PHACTR4: variants seen among roughly 807,000 people sequenced by gnomAD.
The protein encoded by PHACTR4 is protein phosphatase 1, regulatory subunit 124.
Under a neutral mutation model 72.7 loss-of-function variants are expected in PHACTR4, and 51 were observed. The observed-to-expected ratio is 0.70, with a 90% confidence interval of 0.56 to 0.89. PHACTR4 has a LOEUF of 0.89. Ranked by LOEUF, PHACTR4 falls within the 40% of genes least tolerant of loss-of-function variation. The pLI is 0.00. For missense variants in PHACTR4, 731 were observed against 861.8 expected (o/e 0.85, Z 1.90); for synonymous variants, 255 against 302.5 (o/e 0.84, Z 1.63).
At chr1:28,393,233 A>G (rs991042324) in intron 1 of PHACTR4, among the ~76,000 whole-genome samples, 3 of 152,216 alleles carry the variant, frequency 2.0e-5, no homozygotes, top group Admixed American at 2.0e-4. Flanking sequence ...AATCTTTTAC[A>G]TACTTTACCT....
At chr1:28,421,257 C>T (rs1655489167) in intron 2 of PHACTR4, among the ~76,000 whole-genome samples, 1 of 152,088 alleles carries the variant, frequency 6.6e-6, no homozygotes, top group African/African-American at 2.4e-5. Context: ...GGCATGTGCA[C>T]ATATATACAC....
intron 9 of PHACTR4, among the ~76,000 whole-genome samples, chr1:28,487,727 G>GTTTTTTTTTTTTTTT (rs780028378): frequency 1.3e-4 from 8 of 63,310 alleles, no homozygotes; most frequent in African/African-American, 3.3e-4. Context: ...GTTTTTTGTT[G>GTTTTTTTTTTTTTTT]TTTTTTTTTT....
intron 9 of PHACTR4, among the ~76,000 whole-genome samples, chr1:28,487,732 T>G (rs1416103620): frequency 1.1e-3 from 144 of 127,402 alleles, no homozygotes; most frequent in South Asian, 5.8e-3. Flanking sequence ...TTGTTGTTTT[T>G]TTTTTTTTTT....
chr1:28,396,992 C>T (rs922190222), intron 1 of PHACTR4, among the ~76,000 whole-genome samples: 3 of 151,644 alleles, frequency 2.0e-5, no homozygotes, highest in East Asian at 1.9e-4. Flanking sequence ...CGTGCCTGGC[C>T]GTGATATGCT....
intron 1 of PHACTR4, among the ~76,000 whole-genome samples, chr1:28,379,680 C>T (rs563371477): frequency 6.4e-4 from 97 of 151,174 alleles, no homozygotes; most frequent in African/African-American, 2.2e-3. Context: ...AGCTCCGCCT[C>T]CCGGGTTCAC....
At chr1:28,433,498 C>T (rs1656421463) in intron 2 of PHACTR4, among the ~76,000 whole-genome samples, 2 of 145,036 alleles carry the variant, frequency 1.4e-5, no homozygotes, top group South Asian at 4.3e-4. Context: ...CGCCCTGTCA[C>T]CCAGGCTGGA....
chr1:28,453,826 CAAAAGGCTTTT>C, intron 2 of PHACTR4: 1 of 886,744 alleles, frequency 1.1e-6, no homozygotes, highest in South Asian at 1.3e-5. Flanking sequence ...TGACAGAGCA[CAAAAGGCTTTT>C]GAAGCTGTGG....
At chr1:28,475,095 G>A (rs755205951) in intron 7 of PHACTR4, among the ~76,000 whole-genome samples, 10 of 151,770 alleles carry the variant, frequency 6.6e-5, no homozygotes, top group Non-Finnish European at 1.2e-4. Flanking sequence ...GACTACAGGC[G>A]CATGCCATCA....
chr1:28,443,548 A>G (rs879812785), intron 2 of PHACTR4, among the ~76,000 whole-genome samples: 1 of 151,880 alleles, frequency 6.6e-6, no homozygotes, highest in Non-Finnish European at 1.5e-5. Flanking sequence ...CCTAGATTCA[A>G]GCGATCCTCC....
rs150645190 is a variant in PHACTR4, at chr1:28,432,357, G to A, written c.16+24894G>A. 2.2e-3 allele frequency among the ~76,000 whole-genome samples: 332 copies of A among 151,094 alleles called. 1 individual carries two copies. Among genetic ancestry groups the A allele is most frequent in the Non-Finnish European group, 3.8e-3 (260 of 67,892 alleles). ...AGCACTTTGGGAAGCTGAGGCTAGA[G>A]GATCTCTCTCTCTCTTTTTTTTTTT... On this transcript the variant is annotated intron_variant, in intron 2 of 13. Coordinates refer to ENST00000373839, the MANE Select transcript of PHACTR4 (RefSeq NM_001048183.3).
At chr1:28,405,032 G>A (rs536877233) in intron 1 of PHACTR4, among the ~76,000 whole-genome samples, 1 of 152,090 alleles carries the variant, frequency 6.6e-6, no homozygotes, top group Non-Finnish European at 1.5e-5. Flanking sequence ...ATCATAATGG[G>A]TGTAAAGTGT....
chr1:28,492,472 AC>A (rs1336934016), intron 12 of PHACTR4, among the ~76,000 whole-genome samples: 1 of 149,974 alleles, frequency 6.7e-6, no homozygotes, highest in African/African-American at 2.5e-5. Flanking sequence ...TAAAAAAAAA[AC>A]AAAACTAGCC....
chr1:28,381,024 T>C (rs1159662606), intron 1 of PHACTR4, among the ~76,000 whole-genome samples: 2 of 138,916 alleles, frequency 1.4e-5, no homozygotes, highest in South Asian at 4.4e-4. Context: ...TTTTTTTTTT[T>C]CCGAGACAGA....
intron 6 of PHACTR4, among the ~76,000 whole-genome samples, chr1:28,472,681 A>C (rs1371950742): frequency 2.0e-5 from 3 of 151,514 alleles, no homozygotes; most frequent in Non-Finnish European, 1.5e-5. Context: ...GACTCACTGC[A>C]GCCTCCGCCT....
intron 2 of PHACTR4, among the ~76,000 whole-genome samples, chr1:28,418,613 CAA>C (rs1655279827): frequency 6.6e-6 from 1 of 151,950 alleles, no homozygotes; most frequent in Admixed American, 6.6e-5. Flanking sequence ...ATTACAAAAA[CAA>C]TATATATTTC....
chr1:28,433,161 A>C (rs1286876680), intron 2 of PHACTR4: 1 of 849,590 alleles, frequency 1.2e-6, no homozygotes, highest in Non-Finnish European at 1.4e-6. Context: ...GGAGTATCTT[A>C]TTAGCTAACA....
At chr1:28,394,506 G>T (rs1044444874) in intron 1 of PHACTR4, among the ~76,000 whole-genome samples, 12 of 151,956 alleles carry the variant, frequency 7.9e-5, no homozygotes, top group Non-Finnish European at 1.8e-4. Context: ...GCCTGGGCTG[G>T]TCTCAAGCTC....
chr1:28,427,242 T>C (rs1312847245), intron 2 of PHACTR4, among the ~76,000 whole-genome samples: 1 of 152,068 alleles, frequency 6.6e-6, no homozygotes, highest in Non-Finnish European at 1.5e-5. Context: ...AGTATAATAT[T>C]TGGCCGGACG....
chr1:28,444,948 C>T (rs1204708595), intron 2 of PHACTR4, among the ~76,000 whole-genome samples: 1 of 143,864 alleles, frequency 7.0e-6, no homozygotes, highest in African/African-American at 2.6e-5. Context: ...TATTATTTAA[C>T]TATTTATTTA....
Sources: allele counts gnomAD v4.1 joint callset (sites outside exome capture counted in the v4.1 genomes callset), GRCh38; gene constraint gnomAD v4.1.1; transcripts MANE v1.5; gene names NCBI Gene and HGNC (gene_info 2026-07-23, HGNC 2026-07-21).